GRIK4: variants seen among roughly 807,000 people sequenced by gnomAD.
The protein encoded by GRIK4 is glutamate ionotropic receptor kainate type subunit 4, also known as glutamate receptor ionotropic, kainate 4.
A neutral mutation model predicts 104.9 loss-of-function variants in GRIK4; 40 were observed. The observed-to-expected ratio is 0.38, with a 90% CI of 0.30 to 0.50. The LOEUF (loss-of-function observed/expected upper bound fraction) is 0.50, where lower values mean the gene tolerates loss of function less well. GRIK4 is among the 20% of genes least tolerant of loss of function. The pLI is 0.93. For missense variants in GRIK4, 1,047 were observed against 1,308.1 expected (o/e 0.80, Z 3.08); for synonymous variants, 485 against 524.9 (o/e 0.92, Z 1.04).
intron 3 of GRIK4, among the ~76,000 whole-genome samples, chr11:120,765,837 G>A (rs1185784776): frequency 6.6e-6 from 1 of 152,204 alleles, no homozygotes; most frequent in African/African-American, 2.4e-5. Flanking sequence ...TCATCATAGA[G>A]GGGCACCTGC....
intron 1 of GRIK4, among the ~76,000 whole-genome samples, chr11:120,540,482 T>A (rs190185019): frequency 2.8e-4 from 42 of 152,080 alleles, no homozygotes; most frequent in Non-Finnish European, 3.8e-4. Flanking sequence ...GGCATGGTGG[T>A]GCGCACCTGT....
At position 120,952,642 on chromosome 11, in the gene GRIK4, T is replaced by C. The variant is rs1256412440; in HGVS notation, c.1591-213T>C. 6.6e-6 allele frequency among the ~76,000 whole-genome samples: 1 copy of C among 152,154 alleles called. No homozygotes were observed. The highest frequency in any genetic ancestry group is 1.5e-5 in the Non-Finnish European group (1 of 68,026). On this transcript the variant is annotated intron_variant, in intron 14 of 20. Transcript: ENST00000527524. This position sits in a 1 kb window ranked among gnomAD's most constrained non-coding sequence, Gnocchi z 5.2. ...TGGCATGGCCCCTGCTGCTGTTCTG[T>C]GTCACCTGCTGAGGTCAGGGCTGGG...
chr11:120,519,414 G>A (rs1947769665), intron 1 of GRIK4, among the ~76,000 whole-genome samples: 1 of 151,964 alleles, frequency 6.6e-6, no homozygotes, highest in Non-Finnish European at 1.5e-5. Context: ...AACCCGCAAA[G>A]CCCCCTCACC....
At chr11:120,606,545 G>A (rs1031046780) in intron 1 of GRIK4, among the ~76,000 whole-genome samples, 5 of 152,236 alleles carry the variant, frequency 3.3e-5, no homozygotes, top group African/African-American at 7.2e-5. Flanking sequence ...CACTCATTCC[G>A]TCCATTCATC....
At position 120,841,517 on chromosome 11, in the gene GRIK4, C is replaced by T. The variant is rs558220059; in HGVS notation, c.744+4673C>T. Among the ~76,000 whole-genome samples the T allele has an allele frequency of 8.3e-4, 126 of 152,272 alleles. No homozygotes were observed. The Middle Eastern group carries it at 0.01, about 12-fold the overall frequency. On this transcript the variant is annotated intron_variant, in intron 8 of 20. Coordinates refer to ENST00000527524, the MANE Select transcript of GRIK4 (RefSeq NM_014619.5). ...AGATTTTGTGTATCCGTTCATTCAT[C>T]GATGGACACGTGGGTCGCCTCCACC... is the stretch of plus-strand genomic sequence containing the variant.
At chr11:120,572,564 G>A (rs964552039) in intron 1 of GRIK4, among the ~76,000 whole-genome samples, 4 of 152,184 alleles carry the variant, frequency 2.6e-5, no homozygotes, top group Non-Finnish European at 5.9e-5. Flanking sequence ...GCCTCCTCCT[G>A]TCTGGGCTCT....
intron 3 of GRIK4, among the ~76,000 whole-genome samples, chr11:120,725,820 A>G (rs1951019314): frequency 6.6e-6 from 1 of 152,166 alleles, no homozygotes; most frequent in African/African-American, 2.4e-5. Flanking sequence ...TTGGAAATAC[A>G]TTTGGCAGGC....
chr11:120,854,995 C>T (rs1356366447), intron 8 of GRIK4, among the ~76,000 whole-genome samples: 1 of 152,154 alleles, frequency 6.6e-6, no homozygotes, highest in Non-Finnish European at 1.5e-5. Context: ...ATTCTCCTAA[C>T]CATTTAATTA....
chr11:120,660,607 C>G, intron 3 of GRIK4, among the ~76,000 whole-genome samples: 1 of 152,256 alleles, frequency 6.6e-6, no homozygotes, highest in Middle Eastern at 3.4e-3. Context: ...CTGAGCTCCC[C>G]GGCCACTAGA....
chr11:120,879,095 G>A (rs943587574), intron 11 of GRIK4, among the ~76,000 whole-genome samples: 6 of 152,318 alleles, frequency 3.9e-5, no homozygotes, highest in Middle Eastern at 3.4e-3. Flanking sequence ...CTCAGGGAGC[G>A]GAAGGAACTT....
At chr11:120,518,097 T>C (rs1016917874) in intron 1 of GRIK4, among the ~76,000 whole-genome samples, 7 of 151,778 alleles carry the variant, frequency 4.6e-5, no homozygotes, top group Non-Finnish European at 1.5e-5. Context: ...GTTCTGGGAG[T>C]GAGTGAAGGG....
chr11:120,916,411 G>A (rs1234275150), intron 13 of GRIK4, among the ~76,000 whole-genome samples: 4 of 152,168 alleles, frequency 2.6e-5, no homozygotes, highest in Non-Finnish European at 5.9e-5. Flanking sequence ...TTCTGAATCG[G>A]GACAACCAGG....
chr11:120,632,442 CT>C (rs1038452819), intron 1 of GRIK4, among the ~76,000 whole-genome samples: 6 of 152,174 alleles, frequency 3.9e-5, no homozygotes, highest in African/African-American at 1.4e-4. Flanking sequence ...TCCGTGTCCC[CT>C]TCTCCTCCTC....
intron 3 of GRIK4, among the ~76,000 whole-genome samples, chr11:120,748,239 A>C (rs965291225): frequency 2.0e-5 from 3 of 151,908 alleles, no homozygotes. Flanking sequence ...TGTTGTGTCC[A>C]TTGGAAACCT....
At chr11:120,528,646 C>T (rs1947888808) in intron 1 of GRIK4, among the ~76,000 whole-genome samples, 1 of 152,146 alleles carries the variant, frequency 6.6e-6, no homozygotes, top group Non-Finnish European at 1.5e-5. Flanking sequence ...GCTGGGGAGG[C>T]CTCACAATCA....
chr11:120,541,932 A>G (rs745843786), intron 1 of GRIK4, among the ~76,000 whole-genome samples: 5 of 151,112 alleles, frequency 3.3e-5, no homozygotes, highest in Non-Finnish European at 7.4e-5. Context: ...CAAAATTCCA[A>G]AGGCATTTGT....
chr11:120,752,731 C>T (rs1307323742), intron 3 of GRIK4, among the ~76,000 whole-genome samples: 1 of 152,216 alleles, frequency 6.6e-6, no homozygotes. Flanking sequence ...TCTCCTGCCC[C>T]CCAGCCCAAA....
intron 3 of GRIK4, among the ~76,000 whole-genome samples, chr11:120,729,144 T>G (rs1591840778): frequency 2.0e-5 from 3 of 152,264 alleles, no homozygotes; most frequent in Non-Finnish European, 2.9e-5. Flanking sequence ...TACCACATTT[T>G]CTTTATCCAT....
At position 120,684,643 on chromosome 11, in the gene GRIK4, C is replaced by T. The variant is rs1486705819; in HGVS notation, c.82+24243C>T. Reference sequence around the variant, plus strand: ...TGCAGGAGAATTCACCCTTTCTTTACCAGAGTAGTCAAGGAAAGCTTTTCT... The same window carrying T: ...TGCAGGAGAATTCACCCTTTCTTTATCAGAGTAGTCAAGGAAAGCTTTTCT... On this transcript the variant is annotated intron_variant, in intron 3 of 20. Transcript: ENST00000527524. 4.6e-5 allele frequency among the ~76,000 whole-genome samples: 7 copies of T among 152,284 alleles called. No homozygotes were observed. In the South Asian group the frequency reaches 1.0e-3, roughly 23 times the overall value.
Sources: gnomAD v4.1 joint callset for allele counts (sites outside exome capture counted in the v4.1 genomes callset) on GRCh38, gnomAD v4.1.1 for gene constraint, Gnocchi (gnomAD v3.1) non-coding constraint, MANE v1.5 for transcripts, NCBI Gene and HGNC (gene_info 2026-07-23, HGNC 2026-07-21) for gene names.